The following MTREX variants were observed in gnomAD, a reference collection of about 807,000 sequenced individuals.
MTREX encodes Mtr4 exosome RNA helicase.
A neutral mutation model predicts 135.4 loss-of-function variants in MTREX; 76 were observed. The observed-to-expected ratio is 0.56, with a 90% CI of 0.47 to 0.68. MTREX has a LOEUF of 0.68. MTREX is among the 30% of genes least tolerant of loss of function. MTREX has a pLI of 0.00. For synonymous variants in MTREX, 404 were observed against 401.6 expected (o/e 1.01, Z -0.07); for missense variants, 920 against 1,262.1 (o/e 0.73, Z 4.11).
At chr5:55,379,959 G>A (rs1385382697) in intron 18 of MTREX, among the ~76,000 whole-genome samples, 1 of 151,936 alleles carries the variant, frequency 6.6e-6, no homozygotes, top group African/African-American at 2.4e-5. Flanking sequence ...CTTTTGAGAC[G>A]GAGTCTCGCT....
intron 14 of MTREX, among the ~76,000 whole-genome samples, chr5:55,356,084 CACAG>C (rs916602277): frequency 3.3e-5 from 5 of 152,214 alleles, no homozygotes; most frequent in African/African-American, 1.2e-4. Context: ...TTCAGGGAGT[CACAG>C]ACAGCCCCCT....
At chr5:55,376,016 C>T (rs1009816811) in intron 16 of MTREX, among the ~76,000 whole-genome samples, 2 of 152,080 alleles carry the variant, frequency 1.3e-5, no homozygotes, top group Admixed American at 6.6e-5. Context: ...AAAAACAAGC[C>T]GATTAAACAG....
intron 5 of MTREX, among the ~76,000 whole-genome samples, chr5:55,329,607 T>TA (rs951842335): frequency 6.6e-6 from 1 of 152,252 alleles, no homozygotes; most frequent in African/African-American, 2.4e-5. Flanking sequence ...GTTCTACTGA[T>TA]GAGAAAATCT....
chr5:55,408,767 A>G (rs957421071), intron 22 of MTREX, among the ~76,000 whole-genome samples: 7 of 152,142 alleles, frequency 4.6e-5, no homozygotes, highest in African/African-American at 1.4e-4. Flanking sequence ...ATAAGTGAAG[A>G]TATTTTGCAG....
chr5:55,424,624 G>C (rs1208026275), intron 26 of MTREX, 96 bp from the exon 27 acceptor site: 4 of 786,930 alleles, frequency 5.1e-6, no homozygotes, highest in Middle Eastern at 2.9e-4. Context: ...CTTACCAGTT[G>C]AATCAGGGTT....
chr5:55,308,441 G>A (rs953366019), intron 1 of MTREX, among the ~76,000 whole-genome samples: 3 of 151,844 alleles, frequency 2.0e-5, no homozygotes, highest in African/African-American at 7.3e-5. Flanking sequence ...ACAACACCTG[G>A]CACATAGTCG....
intron 11 of MTREX, among the ~76,000 whole-genome samples, chr5:55,348,229 C>T (rs1052399863): frequency 8.5e-5 from 13 of 152,092 alleles, no homozygotes; most frequent in Non-Finnish European, 1.9e-4. Context: ...GGAGAGCATG[C>T]AAGAGAGAGG....
intron 25 of MTREX, among the ~76,000 whole-genome samples, 191 bp from the exon 26 acceptor site, chr5:55,422,682 TCTACC>T (rs1751072975): frequency 6.6e-6 from 1 of 152,240 alleles, no homozygotes; most frequent in Non-Finnish European, 1.5e-5. Flanking sequence ...AACAGGTGTC[TCTACC>T]ATTAGTCAAA....
intron 14 of MTREX, among the ~76,000 whole-genome samples, chr5:55,355,056 A>G (rs1749888072): frequency 6.6e-6 from 1 of 152,148 alleles, no homozygotes; most frequent in Non-Finnish European, 1.5e-5. Context: ...ATTTCACACA[A>G]TATGATTAAG....
chr5:55,340,473 C>T (rs939586480), intron 6 of MTREX, among the ~76,000 whole-genome samples: 9 of 152,148 alleles, frequency 5.9e-5, no homozygotes, highest in African/African-American at 2.2e-4. Flanking sequence ...GTTTTATGTA[C>T]ATAGTTTTAA....
intron 1 of MTREX, among the ~76,000 whole-genome samples, chr5:55,320,095 C>A (rs777989400): frequency 6.6e-6 from 1 of 152,010 alleles, no homozygotes; most frequent in Non-Finnish European, 1.5e-5. Context: ...ATAGCTTTTT[C>A]GCAAAATTGG....
At chr5:55,313,790 T>G (rs1260346653) in intron 1 of MTREX, among the ~76,000 whole-genome samples, 1 of 152,212 alleles carries the variant, frequency 6.6e-6, no homozygotes, top group Non-Finnish European at 1.5e-5. Flanking sequence ...TCCTTGCCCC[T>G]TCTTCCATTT....
At chr5:55,322,902 G>C (rs1477952633) in intron 2 of MTREX, among the ~76,000 whole-genome samples, 4 of 152,156 alleles carry the variant, frequency 2.6e-5, no homozygotes, top group African/African-American at 9.7e-5. Context: ...CCTGCTATGG[G>C]TATCTGTGGC....
chr5:55,407,703 C>T (rs1750828384), intron 22 of MTREX, among the ~76,000 whole-genome samples: 1 of 152,110 alleles, frequency 6.6e-6, no homozygotes, highest in African/African-American at 2.4e-5. Context: ...CCTGATTATT[C>T]GTTGCCTCCC....
At chr5:55,309,116 T>C (rs1358369137) in intron 1 of MTREX, among the ~76,000 whole-genome samples, 2 of 152,166 alleles carry the variant, frequency 1.3e-5, no homozygotes, top group African/African-American at 4.8e-5. Context: ...CAAGAGAATA[T>C]TCTGAGTTAA....
intron 15 of MTREX, among the ~76,000 whole-genome samples, chr5:55,364,896 AAG>A (rs1475217625): frequency 1.3e-5 from 2 of 152,256 alleles, no homozygotes; most frequent in African/African-American, 4.8e-5. Context: ...GAGGAAGAGC[AAG>A]AGAGAGAAAT....
chr5:55,415,810 T>TG (rs1356661517), intron 24 of MTREX, among the ~76,000 whole-genome samples, 160 bp from the exon 25 acceptor site: 1 of 152,156 alleles, frequency 6.6e-6, no homozygotes, highest in Non-Finnish European at 1.5e-5. Context: ...CACTTAGCAA[T>TG]GGAACAGGCA....
chr5:55,331,847 G>A (rs556993177), intron 5 of MTREX, among the ~76,000 whole-genome samples: 19 of 152,064 alleles, frequency 1.2e-4, no homozygotes, highest in African/African-American at 4.1e-4. Context: ...CTCTTGGGGC[G>A]TACTGTTCTT....
rs544033107 is a variant in MTREX, at chr5:55,349,081, AT to A, written c.1241-491del. Among the ~76,000 whole-genome samples the A allele has an allele frequency of 5.1e-3, 777 of 152,008 alleles. 7 individuals carry two copies. The highest frequency in any genetic ancestry group is 0.018 in the African/African-American group (746 of 41,424). ...TTTTCATGAATTAAGTCTACTAGATATGTTTTGAAAGGCAGAGAATTATATT... is the reference window on the plus strand; with the variant it reads ...TTTTCATGAATTAAGTCTACTAGATAGTTTTGAAAGGCAGAGAATTATATT... On this transcript the variant is annotated intron_variant, in intron 11 of 26. Coordinates refer to ENST00000230640, the MANE Select transcript of MTREX (RefSeq NM_015360.5).
Sources: gnomAD v4.1 joint callset for allele counts (sites outside exome capture counted in the v4.1 genomes callset) on GRCh38, gnomAD v4.1.1 for gene constraint, MANE v1.5 for transcripts, NCBI Gene and HGNC (gene_info 2026-07-23, HGNC 2026-07-21) for gene names.